TNNI3K: variants seen among roughly 807,000 people sequenced by gnomAD.
TNNI3K encodes TNNI3 interacting kinase, also known as serine/threonine-protein kinase TNNI3K.
Under a neutral mutation model 114.5 loss-of-function variants are expected in TNNI3K, and 140 were observed. The ratio of observed to expected loss-of-function variants is 1.22; its 90% confidence interval spans 1.07 to 1.41. The LOEUF (loss-of-function observed/expected upper bound fraction) is 1.41. TNNI3K is among the 40% of genes most tolerant of loss of function. The probability of loss-of-function intolerance (pLI) is 0.00; values close to 1 mark genes in which losing one functional copy is unlikely to be tolerated. For synonymous variants in TNNI3K, 347 were observed against 347.5 expected, an observed-to-expected ratio of 1.00 and a Z score of 0.02; for missense variants, 1,125 against 1,007.6, an observed-to-expected ratio of 1.12 and a Z score of -1.58.
rs530629588 is a variant in TNNI3K, at chr1:74,358,974, T to G, written c.1177+4845T>G. Among the ~76,000 whole-genome samples the G allele has an allele frequency of 2.0e-5, 3 of 152,112 alleles. 1 individual carries two copies. The South Asian group carries it at 6.2e-4, about 32-fold the overall frequency. On this transcript the variant is annotated intron_variant, in intron 11 of 24. Transcript: ENST00000326637. The stretch of plus-strand genomic sequence containing the variant: ...TTTAATCAAAATAACCCTTTAAATT[T>G]TTATTATCTTTGTTTTATAGATAAA...
At chr1:74,348,170 T>C (rs1043872408) in intron 9 of TNNI3K, among the ~76,000 whole-genome samples, 1 of 152,228 alleles carries the variant, frequency 6.6e-6, no homozygotes, top group Admixed American at 6.5e-5. Context: ...GAATTAATTT[T>C]TGTATAAGGT....
chr1:74,458,719 T>C (rs775063982), intron 20 of TNNI3K, among the ~76,000 whole-genome samples: 4 of 152,212 alleles, frequency 2.6e-5, no homozygotes, highest in Non-Finnish European at 4.4e-5. Context: ...TTTATATGAG[T>C]TCCAGTTAAA....
chr1:74,406,998 G>A (rs1348754526), intron 17 of TNNI3K, among the ~76,000 whole-genome samples: 1 of 152,168 alleles, frequency 6.6e-6, no homozygotes, highest in Non-Finnish European at 1.5e-5. Flanking sequence ...CAGTGAAAAT[G>A]CATTCCCATC....
chr1:74,271,766 T>C (rs1656368378), intron 5 of TNNI3K, 58 bp downstream of exon 5: 1 of 1,417,908 alleles, frequency 7.1e-7, no homozygotes, highest in South Asian at 1.3e-5. Context: ...TCGGTTGTTG[T>C]TCTTAACTGT....
chr1:74,485,895 C>T (rs145527996), intron 21 of TNNI3K, among the ~76,000 whole-genome samples: 93 of 152,236 alleles, frequency 6.1e-4, no homozygotes, highest in African/African-American at 1.9e-3. Flanking sequence ...ACAACCAATG[C>T]GCTTAAAAGA....
At chr1:74,428,253 G>C (rs1665727491) in intron 17 of TNNI3K, among the ~76,000 whole-genome samples, 2 of 152,030 alleles carry the variant, frequency 1.3e-5, no homozygotes, top group South Asian at 4.1e-4. Context: ...TTTAAGATCT[G>C]TGTATTGCTA....
chr1:74,298,739 C>T (rs1014671207), intron 5 of TNNI3K, among the ~76,000 whole-genome samples: 11 of 151,952 alleles, frequency 7.2e-5, no homozygotes, highest in African/African-American at 1.9e-4. Context: ...AGTTGCATCA[C>T]GGAATAATAT....
At chr1:74,323,435 C>T (rs1659731242) in intron 5 of TNNI3K, among the ~76,000 whole-genome samples, 1 of 149,070 alleles carries the variant, frequency 6.7e-6, no homozygotes, top group Non-Finnish European at 1.5e-5. Context: ...TATTCTTGGC[C>T]CACTAGCACA....
chr1:74,518,573 C>T (rs1006272537), intron 23 of TNNI3K, among the ~76,000 whole-genome samples: 3 of 152,124 alleles, frequency 2.0e-5, no homozygotes, highest in Non-Finnish European at 4.4e-5. Context: ...TTCTACTAAT[C>T]GTGACGAAGC....
intron 23 of TNNI3K, among the ~76,000 whole-genome samples, chr1:74,527,893 G>A (rs532203623): frequency 3.7e-4 from 56 of 152,288 alleles, no homozygotes; most frequent in African/African-American, 1.3e-3. Flanking sequence ...TGGTGGATGG[G>A]AGTGGTGGGT....
At chr1:74,367,796 T>C in intron 12 of TNNI3K, 112 bp from the exon 13 acceptor site, 1 of 992,664 alleles carries the variant, frequency 1.0e-6, no homozygotes, top group Non-Finnish European at 1.5e-6. Context: ...GATTTGGGCC[T>C]GAAGCGATAG....
chr1:74,457,287 C>T (rs923880646), intron 20 of TNNI3K, among the ~76,000 whole-genome samples: 12 of 152,148 alleles, frequency 7.9e-5, no homozygotes, highest in African/African-American at 2.9e-4. Context: ...TATTTCATTA[C>T]ACTGACAAAG....
intron 20 of TNNI3K, among the ~76,000 whole-genome samples, chr1:74,449,516 C>T (rs190030842): frequency 0.02 from 2,973 of 151,932 alleles, 83 homozygotes; most frequent in African/African-American, 0.068. Context: ...ACCCATCTCA[C>T]GTGCAGAGAC....
intron 21 of TNNI3K, chr1:74,480,142 C>T (rs1345905683): frequency 4.2e-6 from 3 of 711,298 alleles, no homozygotes; most frequent in Middle Eastern, 2.7e-4. Flanking sequence ...GCACACTTCT[C>T]CCCGGCATAC....
Position 74,318,562 on chromosome 1 carries a change from T to A in TNNI3K, c.445-12888T>A, listed in dbSNP as rs2100374846. Among the ~76,000 whole-genome samples the A allele has an allele frequency of 2.6e-5, 4 of 152,308 alleles. 1 individual carries two copies. In the South Asian group the frequency reaches 8.3e-4, roughly 32 times the overall value. On this transcript the variant is annotated intron_variant, in intron 5 of 24. Transcript: ENST00000326637. Reference sequence around the variant, plus strand: ...AAATGTTTGAGGAATGGATAAATTGTTTGATCCTCCCCTGTTTGCTTAGAA... The same window carrying A: ...AAATGTTTGAGGAATGGATAAATTGATTGATCCTCCCCTGTTTGCTTAGAA...
intron 21 of TNNI3K, chr1:74,464,758 A>T: frequency 2.6e-6 from 4 of 1,558,346 alleles, no homozygotes; most frequent in South Asian, 1.2e-5. Flanking sequence ...TATCCTGGCC[A>T]TTCAACCTGA....
At chr1:74,307,876 T>C (rs181211931) in intron 5 of TNNI3K, among the ~76,000 whole-genome samples, 2 of 152,114 alleles carry the variant, frequency 1.3e-5, no homozygotes, top group East Asian at 3.9e-4. Context: ...GGCCGGAGAA[T>C]CACTTGAACC....
intron 20 of TNNI3K, among the ~76,000 whole-genome samples, chr1:74,445,109 A>T (rs1326480759): frequency 6.6e-6 from 1 of 152,224 alleles, no homozygotes; most frequent in Non-Finnish European, 1.5e-5. Flanking sequence ...AAGACCATTC[A>T]GGACATAGGC....
chr1:74,272,817 A>G (rs1472158619), intron 5 of TNNI3K, among the ~76,000 whole-genome samples: 2 of 151,948 alleles, frequency 1.3e-5, no homozygotes, highest in Non-Finnish European at 2.9e-5. Context: ...ATATAAAACT[A>G]AGGCTCTTAT....
Sources: gnomAD v4.1 joint callset for allele counts (sites outside exome capture counted in the v4.1 genomes callset) on GRCh38, gnomAD v4.1.1 for gene constraint, MANE v1.5 for transcripts, NCBI Gene and HGNC (gene_info 2026-07-23, HGNC 2026-07-21) for gene names.